LTBP4: variants seen among roughly 807,000 people sequenced by gnomAD.
The protein encoded by LTBP4 is latent-transforming growth factor beta-binding protein 4.
LTBP4 carries 93 observed loss-of-function variants against 180.2 expected under a neutral mutation model. That is an observed-to-expected ratio of 0.52 (90% CI 0.44 to 0.61). The LOEUF (loss-of-function observed/expected upper bound fraction) is 0.61, where lower values mean the gene tolerates loss of function less well. Ranked by LOEUF, LTBP4 falls within the 20% of genes least tolerant of loss-of-function variation. The pLI, the probability that LTBP4 is intolerant of heterozygous loss-of-function variation, is 0.00. For missense variants in LTBP4, 2,116 were observed against 2,256.5 expected, an observed-to-expected ratio of 0.94 and a Z score of 1.26; for synonymous variants, 947 against 934.5, an observed-to-expected ratio of 1.01 and a Z score of -0.24.
At chr19:40,598,153 A>G (rs1486044039), upstream of LTBP4, among the ~76,000 whole-genome samples, 2 of 135,816 alleles carry the variant, frequency 1.5e-5, no homozygotes, top group East Asian at 2.6e-4. Flanking sequence ...GCGCTCCGTT[A>G]CAAAGGCCCC....
At chr19:40,595,331 T>A (rs2081384408) in intron 1 of LTBP4, among the ~76,000 whole-genome samples, 1 of 152,050 alleles carries the variant, frequency 6.6e-6, no homozygotes. Flanking sequence ...AAAGAATTGA[T>A]CCCTTCTCAA....
At chr19:40,608,191 C>T in intron 7 of LTBP4, 29 bp from the exon 8 acceptor site, 5 of 1,613,336 alleles carry the variant, frequency 3.1e-6, no homozygotes, top group Non-Finnish European at 3.4e-6. Flanking sequence ...CTCTCTTGTC[C>T]TCTCTCTGTC....
In LTBP4 at chr19:40,608,355, C is replaced by G. The variant is rs765106303; in HGVS notation, c.1292C>G (p.Ser431Cys). Residue 431 changes from serine (S) to cysteine (C), a missense_variant, in exon 8 of 30, where the codon TCT becomes TGT. By Grantham distance (112) the Ser-to-Cys change is moderately radical. Transcript: ENST00000396819. Reference sequence around the variant, plus strand: ...CAGCCTCGTACCCTGCCAGCCACCTCTCGGCCATCTGCAGGTGAGCTGGCT... The same window carrying G: ...CAGCCTCGTACCCTGCCAGCCACCTGTCGGCCATCTGCAGGTGAGCTGGCT... ...LSQPRTLPAT[S>C]RPSAGFLPTH... 2 of 1,613,060 alleles carry G rather than the reference C, an allele frequency of 1.2e-6. No homozygotes were observed. Among genetic ancestry groups the G allele is most frequent in the South Asian group, 2.2e-5 (2 of 90,906 alleles).
At chr19:40,601,673 C>T (rs2081425168) in intron 1 of LTBP4, 36 bp downstream of exon 1, 2 of 1,316,698 alleles carry the variant, frequency 1.5e-6, no homozygotes, top group African/African-American at 3.1e-5. Context: ...AGAGCGGCTC[C>T]GGGGGGGAGG....
At chr19:40,621,131 C>G (rs62107913) in intron 22 of LTBP4, among the ~76,000 whole-genome samples, 1 of 151,910 alleles carries the variant, frequency 6.6e-6, no homozygotes, top group Non-Finnish European at 1.5e-5. Context: ...TTAGTACAGA[C>G]GGGGTTTCAT....
intron 29 of LTBP4, among the ~76,000 whole-genome samples, chr19:40,628,367 C>T (rs922619640): frequency 3.3e-5 from 5 of 152,094 alleles, no homozygotes; most frequent in African/African-American, 1.2e-4. Context: ...GGTGAAACCC[C>T]GTCTCTAAAA....
rs2081664943 is a variant in LTBP4, at chr19:40,629,689, G to A, written c.*139G>A. ...GGACCTACGGACGCCTGGAAGCTGC[G>A]ACGCCCTGCACTGCTCCCGCCTCCA... On this transcript the variant is annotated 3_prime_UTR_variant, in exon 30 of 30. Coordinates refer to ENST00000396819, the MANE Select transcript of LTBP4 (RefSeq NM_001042545.2). The surrounding 1 kb of genome is among the most constrained non-coding windows in gnomAD (Gnocchi z 4.5). 7 of 913,894 alleles carry A rather than the reference G, an allele frequency of 7.7e-6. No homozygotes were observed. The highest frequency in any genetic ancestry group is 3.8e-5 in the East Asian group (1 of 26,266). The allele number at this position is 913,894 out of a possible 1,614,324, so 56.6% of individuals were successfully genotyped here.
At chr19:40,625,758 A>T in intron 26 of LTBP4, 99 bp from the exon 27 acceptor site, 1 of 1,057,836 alleles carries the variant, frequency 9.5e-7, no homozygotes, top group Non-Finnish European at 1.3e-6. Context: ...ATTTGCTGAT[A>T]GGCAGAGGGT....
At position 40,611,292 on chromosome 19, in the gene LTBP4, C is replaced by T. The variant is rs767611788; in HGVS notation, c.1951C>T (p.Pro651Ser). Reference protein sequence around the residue: ...EEDVDECAQEPPPCGPGRCDN... With the variant: ...EEDVDECAQESPPCGPGRCDN... ...GGATGTGGATGAGTGTGCCCAGGAGCCGCCGCCCTGTGGGCCCGGCCGCTG... is the reference window on the plus strand; with the variant it reads ...GGATGTGGATGAGTGTGCCCAGGAGTCGCCGCCCTGTGGGCCCGGCCGCTG... Residue 651 changes from proline (P) to serine (S), a missense_variant, in exon 13 of 30, where the codon CCG (proline) becomes TCG (serine). Physicochemically the swap from Pro to Ser is moderately conservative, Grantham distance 74 (BLOSUM62 -1). Transcript: ENST00000396819. The surrounding 1 kb of genome is among the most constrained non-coding windows in gnomAD (Gnocchi z 4.4). 9 of 1,611,764 alleles carry T rather than the reference C, an allele frequency of 5.6e-6. No individual in the cohort carries two copies. Among genetic ancestry groups the T allele is most frequent in the South Asian group, 4.4e-5 (4 of 90,956 alleles).
chr19:40,593,305 C>A, intron 1 of LTBP4: 4 of 1,097,162 alleles, frequency 3.6e-6, no homozygotes, highest in Non-Finnish European at 4.0e-6. Flanking sequence ...TGCAGTGGTG[C>A]AATCATGGCT....
intron 9 of LTBP4, 40 bp downstream of exon 9, chr19:40,608,643 T>C (rs932651990): frequency 1.2e-5 from 18 of 1,552,306 alleles, no homozygotes; most frequent in Non-Finnish European, 1.6e-5. Flanking sequence ...CCTGCAGCAG[T>C]GGCTCACGCC....
Position 40,629,532 on chromosome 19 carries a change from C to A in LTBP4, c.4656C>A (p.Pro1552=), listed in dbSNP as rs774903927. 3 of 1,554,892 alleles carry A rather than the reference C, an allele frequency of 1.9e-6. No individual in the cohort carries two copies. The East Asian group carries it at 7.1e-5, about 37-fold the overall frequency. The change falls in exon 30 of 30, where the codon CCC becomes CCA. Residue 1552 remains proline, a synonymous_variant. Coordinates refer to ENST00000396819, the MANE Select transcript of LTBP4 (RefSeq NM_001042545.2). This position sits in a 1 kb window ranked among gnomAD's most constrained non-coding sequence, Gnocchi z 4.5. ...APTHQPHHCA[P]ARPRA The stretch of plus-strand genomic sequence containing the variant: ...CGCACCAGCCGCACCACTGTGCGCC[C>A]GCACGGCCCCGGGCCTGAGCCCTGG...
At position 40,613,378 on chromosome 19, in the gene LTBP4, T is replaced by A; in HGVS notation, c.2432-26T>A. ...TGTCTGGGAGGCCGGGTCCCGTGAC[T>A]CCGCCCAATCTCCCGCGTACCCTAG... On this transcript the variant is annotated intron_variant, in intron 16 of 29. Coordinates refer to ENST00000396819, the MANE Select transcript of LTBP4 (RefSeq NM_001042545.2). The surrounding 1 kb of genome is among the most constrained non-coding windows in gnomAD (Gnocchi z 5.0). The A allele has an allele frequency of 2.5e-6, 4 of 1,599,806 alleles. No individual in the cohort carries two copies. Among genetic ancestry groups the A allele is most frequent in the Non-Finnish European group, 3.4e-6 (4 of 1,174,390 alleles).
chr19:40,607,279 C>CCCAA, intron 6 of LTBP4, 86 bp from the exon 7 acceptor site: 3 of 1,126,376 alleles, frequency 2.7e-6, no homozygotes, highest in Non-Finnish European at 3.8e-6. Flanking sequence ...CCCCCAACCC[C>CCCAA]AGAACCATTC....
intron 24 of LTBP4, 44 bp from the exon 25 acceptor site, chr19:40,623,560 A>G: frequency 1.3e-6 from 2 of 1,589,320 alleles, no homozygotes; most frequent in Non-Finnish European, 1.7e-6. Context: ...CACACACTCC[A>G]CCCATCCAGC....
rs546221195 is a variant in LTBP4, at chr19:40,622,225, C to T, written c.3218-176C>T. The stretch of plus-strand genomic sequence containing the variant: ...GAGATGCAGAAATGACAGGAGGTGA[C>T]AGTGGGAGAAAGAGAAACAGTGACA... On this transcript the variant is annotated intron_variant, in intron 22 of 29. Coordinates refer to ENST00000396819, the MANE Select transcript of LTBP4 (RefSeq NM_001042545.2). This position sits in a 1 kb window ranked among gnomAD's most constrained non-coding sequence, Gnocchi z 5.1. Among the ~76,000 whole-genome samples, 111 of 152,244 alleles carry T rather than the reference C, an allele frequency of 7.3e-4. No homozygotes were observed. The highest frequency in any genetic ancestry group is 6.8e-3 in the Middle Eastern group (2 of 294).
Position 40,607,419 on chromosome 19 carries a change from G to C in LTBP4, c.1046G>C (p.Gly349Ala). The C allele has an allele frequency of 6.2e-7, 1 of 1,613,112 alleles. No homozygotes were observed. Among genetic ancestry groups the C allele is most frequent in the Non-Finnish European group, 8.5e-7 (1 of 1,179,652 alleles). The part of the protein sequence containing the change: ...KGPCFRVLRD[G>A]GCSLPILRNI... ...CCCTGCTTCCGCGTGCTCCGCGACGGCGGCTGTTCGCTGCCCATTCTGCGG... is the reference window on the plus strand; with the variant it reads ...CCCTGCTTCCGCGTGCTCCGCGACGCCGGCTGTTCGCTGCCCATTCTGCGG... The change falls in exon 7 of 30, where the codon GGC (glycine) becomes GCC (alanine). Residue 349 changes from glycine to alanine, a missense_variant. Gly to Ala is a moderately conservative substitution (Grantham distance 60, BLOSUM62 0). Transcript: ENST00000396819.
At chr19:40,600,013 G>A (rs944172717), upstream of LTBP4, 3 of 962,776 alleles carry the variant, frequency 3.1e-6, no homozygotes, top group African/African-American at 1.7e-5. This position sits in a 1 kb window ranked among gnomAD's most constrained non-coding sequence, Gnocchi z 4.4. Flanking sequence ...AGGCCCTTTG[G>A]TGGGGAGGTC....
chr19:40,627,698 C>G lies in LTBP4; in HGVS notation c.4367-7C>G. ...CTCAAGTCATAGGGTCCCCGCATTT[C>G]CCACAGGTTCCCTGGCTGAGCCCTA... On this transcript the variant is annotated splice_polypyrimidine_tract_variant and splice_region_variant and intron_variant, in intron 28 of 29. Transcript: ENST00000396819. The G allele has an allele frequency of 6.3e-7, 1 of 1,585,478 alleles. No homozygotes were observed. Among genetic ancestry groups the G allele is most frequent in the South Asian group, 1.2e-5 (1 of 86,446 alleles).
Sources: gnomAD v4.1 joint callset for allele counts (sites outside exome capture counted in the v4.1 genomes callset) on GRCh38, gnomAD v4.1.1 for gene constraint, Gnocchi (gnomAD v3.1) non-coding constraint, MANE v1.5 for transcripts, NCBI Gene and HGNC (gene_info 2026-07-23, HGNC 2026-07-21) for gene names.